The following NUP98 variants were observed in gnomAD, a reference collection of about 807,000 sequenced individuals.
The protein encoded by NUP98 is nuclear pore complex protein Nup98-Nup96.
NUP98 carries 26 observed loss-of-function variants against 191.9 expected under a neutral mutation model. That is an observed-to-expected ratio of 0.14 (90% CI 0.10 to 0.19). The LOEUF is 0.19. Among genes scored for constraint, NUP98 ranks in the 10% least tolerant of loss-of-function variants. The pLI is 1.00. For synonymous variants in NUP98, 808 were observed against 778.4 expected, an observed-to-expected ratio of 1.04 and a Z score of -0.63; for missense variants, 1,941 against 2,178.8, an observed-to-expected ratio of 0.89 and a Z score of 2.17.
At chr11:3,787,550 G>T (rs1251922013) in intron 1 of NUP98, among the ~76,000 whole-genome samples, 3 of 151,642 alleles carry the variant, frequency 2.0e-5, no homozygotes, top group South Asian at 2.1e-4. Context: ...TCCAGCCTGG[G>T]TAACAGAGCA....
chr11:3,764,221 G>A (rs765912996), intron 8 of NUP98, among the ~76,000 whole-genome samples: 1 of 151,954 alleles, frequency 6.6e-6, no homozygotes, highest in Non-Finnish European at 1.5e-5. Context: ...CTTTGGTGAC[G>A]GGCTTCTTTC....
chr11:3,688,010 T>C (rs1316012618), intron 28 of NUP98, among the ~76,000 whole-genome samples: 21 of 152,230 alleles, frequency 1.4e-4, no homozygotes, highest in Admixed American at 1.4e-3. Flanking sequence ...AATGAGAATT[T>C]CCAGTATGGG....
chr11:3,757,903 T>G (rs1255553219), intron 10 of NUP98, among the ~76,000 whole-genome samples: 1 of 152,182 alleles, frequency 6.6e-6, no homozygotes, highest in Non-Finnish European at 1.5e-5. Context: ...GGAAATTGGT[T>G]CTTGAGGGAC....
chr11:3,691,640 G>A (rs1224860789), intron 27 of NUP98, 151 bp from the exon 28 acceptor site: 35 of 702,922 alleles, frequency 5.0e-5, no homozygotes, highest in East Asian at 1.1e-4. Flanking sequence ...TGCAACCTCC[G>A]CTTCCCAGAT....
chr11:3,702,787 G>A lies in NUP98; in HGVS notation c.3188C>T (p.Pro1063Leu). 1 of 1,614,140 alleles carries A rather than the reference G, an allele frequency of 6.2e-7. No homozygotes were observed. Among genetic ancestry groups the A allele is most frequent in the Non-Finnish European group, 8.5e-7 (1 of 1,180,014 alleles). The stretch of plus-strand genomic sequence containing the variant: ...AGGGACAGACCAAGAGGATGTGGAT[G>A]GGATATTCATTAAAGATGCTGCTCT... ...TPRAASLMNI[P>L]STSSWSVPPP... The change falls in exon 23 of 33, where the codon CCA becomes CTA. Residue 1063 changes from proline (P) to leucine (L), a missense_variant. This residue lies in a region of NUP98 where 1,030 missense variants were observed against 1,115.8 expected (regional missense o/e 0.92). Transcript: ENST00000324932.
At chr11:3,780,273 G>A (rs2081912855) in intron 2 of NUP98, among the ~76,000 whole-genome samples, 1 of 151,238 alleles carries the variant, frequency 6.6e-6, no homozygotes, top group Non-Finnish European at 1.5e-5. Flanking sequence ...GCTCACGCCT[G>A]TAACCCCAGC....
Position 3,735,216 on chromosome 11 carries a change from A to G in NUP98, c.1517T>C (p.Met506Thr), listed in dbSNP as rs2080000829. The G allele has an allele frequency of 9.4e-6, 15 of 1,597,810 alleles. No individual in the cohort carries two copies. Among genetic ancestry groups the G allele is most frequent in the Non-Finnish European group, 1.2e-5 (14 of 1,170,232 alleles). ...CTCTTCCTTCTTCTTAGGGTCTGAC[A>G]TCGGATTCCGGAAGAGAGGAGAGTC... is the stretch of plus-strand genomic sequence containing the variant. ...FGDSPLFRNP[M>T]SDPKKKEERL... The change falls in exon 13 of 33, where the codon ATG (methionine) becomes ACG (threonine). Residue 506 changes from methionine to threonine, a missense_variant. Coordinates refer to ENST00000324932, the MANE Select transcript of NUP98 (RefSeq NM_016320.5).
chr11:3,675,942 G>A lies in NUP98; in HGVS notation c.*217C>T, dbSNP rs940765759. The A allele has an allele frequency of 1.0e-5, 6 of 576,902 alleles. No individual in the cohort carries two copies. The highest frequency in any genetic ancestry group is 1.9e-5 in the Non-Finnish European group (6 of 324,140). 35.7% of individuals were successfully genotyped at this position (576,902 alleles called of 1,614,324 possible). ...AAAACACTGAATGATCTTGAGGATG[G>A]TAAACTGTCTCCTCTTCTGGGTTCC... On this transcript the variant is annotated 3_prime_UTR_variant, in exon 33 of 33. Coordinates refer to ENST00000324932, the MANE Select transcript of NUP98 (RefSeq NM_016320.5).
At chr11:3,712,808 C>T in intron 19 of NUP98, 80 bp from the exon 20 acceptor site, 1 of 1,432,218 alleles carries the variant, frequency 7.0e-7, no homozygotes, top group African/African-American at 1.4e-5. Flanking sequence ...TGCAGCATTA[C>T]CTTAAGAAAA....
intron 10 of NUP98, among the ~76,000 whole-genome samples, chr11:3,757,107 A>T (rs1057386083): frequency 7.4e-6 from 1 of 134,700 alleles, no homozygotes; most frequent in East Asian, 2.0e-4. Flanking sequence ...ATATATATAT[A>T]TATCTATATA....
chr11:3,762,836 T>G (rs1042667165), intron 9 of NUP98, 66 bp downstream of exon 9: 11 of 1,563,968 alleles, frequency 7.0e-6, no homozygotes, highest in Non-Finnish European at 9.6e-6. Context: ...GTCAAATCCT[T>G]AGAAGAAAAT....
At chr11:3,689,094 T>C (rs972227221) in intron 28 of NUP98, among the ~76,000 whole-genome samples, 1 of 151,490 alleles carries the variant, frequency 6.6e-6, no homozygotes, top group Non-Finnish European at 1.5e-5. Flanking sequence ...TAGCTGAGTA[T>C]GGTGGTGCAC....
chr11:3,676,043 G>A lies in NUP98; in HGVS notation c.*116C>T. 1 of 891,624 alleles carries A rather than the reference G, an allele frequency of 1.1e-6. No homozygotes were observed. Among genetic ancestry groups the A allele is most frequent in the Non-Finnish European group, 1.8e-6 (1 of 571,166 alleles). The allele number at this position is 891,624 out of a possible 1,614,324, so 55.2% of individuals were successfully genotyped here. A position where few individuals can be genotyped will look rare whatever the true frequency, so the allele number is the denominator to read the frequency against. ...GGATGCTGCTTCTGGCAGCAGGGAG[G>A]GAGGGTAGATGCCACAGCCAACCCA... On this transcript the variant is annotated 3_prime_UTR_variant, in exon 33 of 33. Transcript: ENST00000324932.
chr11:3,735,164 A>G, intron 13 of NUP98, 27 bp downstream of exon 13: 1 of 1,529,720 alleles, frequency 6.5e-7, no homozygotes, highest in Non-Finnish European at 8.8e-7. Flanking sequence ...TTGATATGAT[A>G]TTTTACAGAA....
At position 3,712,683 on chromosome 11, in the gene NUP98, C is replaced by T. The variant is rs1031843239; in HGVS notation, c.2623G>A (p.Glu875Lys). ...KYGLQDSDEE[E>K]EEHPSKTSTK... The stretch of plus-strand genomic sequence containing the variant: ...CTAGTTTTAGACGGATGCTCCTCCT[C>T]CTCTTCATCAGAATCCTGAAGGCCA... Residue 875 changes from glutamate (E) to lysine (K), a missense_variant, in exon 20 of 33, where the codon GAG becomes AAG. Transcript: ENST00000324932. 6.2e-7 allele frequency: 1 copy of T among 1,613,286 alleles called. No homozygotes were observed. Among genetic ancestry groups the T allele is most frequent in the Non-Finnish European group, 8.5e-7 (1 of 1,179,974 alleles).
intron 29 of NUP98, 141 bp from the exon 30 acceptor site, chr11:3,683,582 A>G (rs2078043087): frequency 1.1e-6 from 1 of 869,668 alleles, no homozygotes; most frequent in South Asian, 1.8e-5. Flanking sequence ...CTTGTTGCCC[A>G]GGCTGGAGTG....
intron 8 of NUP98, among the ~76,000 whole-genome samples, 161 bp downstream of exon 8, chr11:3,768,420 C>CA (rs367855588): frequency 0.028 from 2,183 of 79,100 alleles, 31 homozygotes; most frequent in African/African-American, 0.067. Context: ...GACTCCATCT[C>CA]AAAAAAAAAA....
chr11:3,747,535 A>G (rs1284036896), intron 11 of NUP98, among the ~76,000 whole-genome samples: 1 of 152,350 alleles, frequency 6.6e-6, no homozygotes, highest in East Asian at 1.9e-4. Flanking sequence ...AATGTTTCTT[A>G]GTCTCAACAC....
intron 8 of NUP98, among the ~76,000 whole-genome samples, chr11:3,766,962 T>TTTTGTTTG (rs1051096627): frequency 1.3e-5 from 2 of 152,166 alleles, no homozygotes; most frequent in East Asian, 3.9e-4. Context: ...TATGATCCTT[T>TTTTGTTTG]TTTGTTTGTT....
Sources: gnomAD v4.1 joint callset for allele counts (sites outside exome capture counted in the v4.1 genomes callset) on GRCh38, gnomAD v4.1.1 for gene constraint, gnomAD v4.1.1 regional missense constraint, MANE v1.5 for transcripts, NCBI Gene and HGNC (gene_info 2026-07-23, HGNC 2026-07-21) for gene names.